Variants in PIK3C3 observed in about 807,000 individuals in gnomAD.
PIK3C3 encodes PI3-kinase type 3.
In PIK3C3, 95 loss-of-function variants were observed where a neutral mutation model predicts 126.1. The ratio of observed to expected loss-of-function variants is 0.75; its 90% confidence interval spans 0.64 to 0.89. PIK3C3 has a LOEUF of 0.89. Ranked by LOEUF, PIK3C3 falls within the 40% of genes least tolerant of loss-of-function variation. PIK3C3 has a pLI of 0.00. For missense variants in PIK3C3, 829 were observed against 1,063.2 expected, an observed-to-expected ratio of 0.78 and a Z score of 3.06; for synonymous variants, 374 against 360.0, an observed-to-expected ratio of 1.04 and a Z score of -0.44.
intron 4 of PIK3C3, among the ~76,000 whole-genome samples, chr18:41,987,609 C>A (rs1279125608): frequency 6.6e-6 from 1 of 151,872 alleles, no homozygotes; most frequent in Non-Finnish European, 1.5e-5. Flanking sequence ...AAATTATGGA[C>A]CTTTTTAAAA....
intron 4 of PIK3C3, among the ~76,000 whole-genome samples, chr18:41,976,790 G>A (rs1980942705): frequency 6.6e-6 from 1 of 152,210 alleles, no homozygotes; most frequent in African/African-American, 2.4e-5. Context: ...AGTCTGACAA[G>A]TGTAGGATTG....
At chr18:41,993,816 G>C (rs987707493) in intron 7 of PIK3C3, among the ~76,000 whole-genome samples, 2 of 152,078 alleles carry the variant, frequency 1.3e-5, no homozygotes, top group African/African-American at 4.8e-5. Flanking sequence ...TTGGAACGTG[G>C]TAACTTGGAT....
At chr18:41,958,134 T>G (rs1319966924) in intron 2 of PIK3C3, among the ~76,000 whole-genome samples, 2 of 152,230 alleles carry the variant, frequency 1.3e-5, no homozygotes, top group Non-Finnish European at 2.9e-5. Flanking sequence ...CTCAGATTTT[T>G]AGAGATAGAT....
intron 10 of PIK3C3, among the ~76,000 whole-genome samples, chr18:42,006,950 G>A (rs2144388851): frequency 7.1e-6 from 1 of 140,956 alleles, no homozygotes; most frequent in African/African-American, 2.6e-5. Context: ...TGAAAGCTCT[G>A]CCTCCCAGGT....
chr18:42,066,264 T>C (rs995000159), intron 23 of PIK3C3, among the ~76,000 whole-genome samples: 8 of 152,202 alleles, frequency 5.3e-5, no homozygotes, highest in Non-Finnish European at 7.4e-5. Context: ...TCAGATCACC[T>C]GGTATACCTC....
rs546697685 is a variant in PIK3C3 at position 42,068,699 on chromosome 18, C to T, written c.2649+1186C>T. On this transcript the variant is annotated intron_variant, in intron 24 of 24. Coordinates refer to ENST00000262039, the MANE Select transcript of PIK3C3 (RefSeq NM_002647.4). The stretch of plus-strand genomic sequence containing the variant: ...GGCGCGGTGGCTCACGCCTGTAATC[C>T]CAGCACTTTGGGAGGCCAAGGAGGG... Among the ~76,000 whole-genome samples, 24 of 152,088 alleles carry T rather than the reference C, an allele frequency of 1.6e-4. No homozygotes were observed. The South Asian group carries it at 5.0e-3, about 32-fold the overall frequency.
At chr18:41,981,391 T>C (rs1981190313) in intron 4 of PIK3C3, among the ~76,000 whole-genome samples, 1 of 152,216 alleles carries the variant, frequency 6.6e-6, no homozygotes, top group African/African-American at 2.4e-5. Flanking sequence ...TAGATTTATC[T>C]TCAAGAAGTT....
At chr18:42,054,382 A>T (rs1984967920) in intron 21 of PIK3C3, among the ~76,000 whole-genome samples, 1 of 150,734 alleles carries the variant, frequency 6.6e-6, no homozygotes, top group African/African-American at 2.4e-5. Flanking sequence ...CTCTCTTTTC[A>T]CATTTTTCTG....
chr18:42,057,971 A>AGAAG lies in PIK3C3; in HGVS notation c.2356_2359dup (p.Met787ArgfsTer8). On this transcript the variant is annotated frameshift_variant, in exon 22 of 25. Coordinates refer to ENST00000262039, the MANE Select transcript of PIK3C3 (RefSeq NM_002647.4). LOFTEE classifies it high-confidence loss of function. ...CAATGAAGCTGAATAAAGAAATGGTAGAAGGAATGGGGGGCACACAGAGTG... is the reference window on the plus strand; with the variant it reads ...CAATGAAGCTGAATAAAGAAATGGTAGAAGGAAGGAATGGGGGGCACACAGAGTG... 1 of 1,613,624 alleles carries AGAAG rather than the reference A, an allele frequency of 6.2e-7. No homozygotes were observed. The highest frequency in any genetic ancestry group is 8.5e-7 in the Non-Finnish European group (1 of 1,179,704).
At chr18:42,079,148 T>A (rs1986144451) in intron 24 of PIK3C3, among the ~76,000 whole-genome samples, 1 of 152,222 alleles carries the variant, frequency 6.6e-6, no homozygotes, top group South Asian at 2.1e-4. Flanking sequence ...TCACTAGGCT[T>A]AATCATTTCT....
rs1041055253 is a variant in PIK3C3 at position 42,085,218 on chromosome 18, T to C, written c.*4081T>C. ...TTGTTCAGTGCTATGGGCTGGTACA[T>C]TGCATTTCAACACTAGTTTTTTACT... On this transcript the variant is annotated 3_prime_UTR_variant, in exon 25 of 25. Transcript: ENST00000262039. 1.3e-5 allele frequency: 2 copies of C among 152,180 alleles called. No homozygotes were observed. Among genetic ancestry groups the C allele is most frequent in the Admixed American group, 6.5e-5 (1 of 15,276 alleles). 9.4% of individuals were successfully genotyped at this position (152,180 alleles called of 1,614,324 possible).
intron 21 of PIK3C3, among the ~76,000 whole-genome samples, chr18:42,056,401 C>A (rs525399): frequency 0.49 from 74,714 of 151,888 alleles, 19,956 homozygotes; most frequent in African/African-American, 0.71. Flanking sequence ...TAATTCCTGT[C>A]ATGAAATGAA....
chr18:42,076,271 CAA>C (rs1221007647), intron 24 of PIK3C3, among the ~76,000 whole-genome samples: 2 of 148,978 alleles, frequency 1.3e-5, no homozygotes, highest in Non-Finnish European at 3.0e-5. Context: ...ATACATATAT[CAA>C]AGTCTTAATT....
chr18:42,012,182 GT>G (rs1389575899), intron 10 of PIK3C3, among the ~76,000 whole-genome samples: 2 of 126,206 alleles, frequency 1.6e-5, no homozygotes, highest in Admixed American at 8.6e-5. Flanking sequence ...CCTTCATTCT[GT>G]AAAAAAAAAA....
At chr18:42,044,851 A>G (rs1016488247) in intron 20 of PIK3C3, among the ~76,000 whole-genome samples, 5 of 152,176 alleles carry the variant, frequency 3.3e-5, no homozygotes, top group Non-Finnish European at 5.9e-5. Flanking sequence ...TATAAGCGCT[A>G]TATTTGTTTA....
intron 22 of PIK3C3, among the ~76,000 whole-genome samples, chr18:42,059,589 T>G (rs973599674): frequency 1.3e-5 from 2 of 152,130 alleles, no homozygotes; most frequent in Admixed American, 1.3e-4. Context: ...TTAGTAGCAA[T>G]TCAATAGAAT....
At chr18:42,014,185 G>A (rs1314025648) in intron 11 of PIK3C3, among the ~76,000 whole-genome samples, 2 of 138,010 alleles carry the variant, frequency 1.4e-5, no homozygotes, top group Non-Finnish European at 3.0e-5. Context: ...TCCAGCCTGG[G>A]CGACAGAGCG....
chr18:42,038,349 A>G (rs531318326), intron 17 of PIK3C3, among the ~76,000 whole-genome samples: 3 of 148,002 alleles, frequency 2.0e-5, no homozygotes, highest in Non-Finnish European at 3.0e-5. Context: ...TAAATTAACT[A>G]TTTTTTTTTT....
chr18:42,010,061 A>G (rs1224510212), intron 10 of PIK3C3, among the ~76,000 whole-genome samples: 1 of 152,220 alleles, frequency 6.6e-6, no homozygotes, highest in African/African-American at 2.4e-5. Context: ...CATTTTTTCC[A>G]CAGTAGAACT....
Sources: allele counts gnomAD v4.1 joint callset (sites outside exome capture counted in the v4.1 genomes callset), GRCh38; gene constraint gnomAD v4.1.1; transcripts MANE v1.5; gene names NCBI Gene and HGNC (gene_info 2026-07-23, HGNC 2026-07-21).